The following AGO4 variants were observed in gnomAD, a reference collection of about 807,000 sequenced individuals.
AGO4 encodes the protein argonaute RISC component 4, also known as protein argonaute-4.
Under a neutral mutation model 104.7 loss-of-function variants are expected in AGO4, and 33 were observed. The ratio of observed to expected loss-of-function variants is 0.32; its 90% confidence interval spans 0.24 to 0.42. AGO4 has a LOEUF of 0.42. Among genes scored for constraint, AGO4 ranks in the 10% least tolerant of loss-of-function variants. AGO4 has a pLI of 1.00. For missense variants in AGO4, 711 were observed against 1,083.4 expected (o/e 0.66, Z 4.83); for synonymous variants, 331 against 364.7 (o/e 0.91, Z 1.05).
At chr1:35,847,265 G>C (rs1404703263) in intron 15 of AGO4, among the ~76,000 whole-genome samples, 2 of 148,246 alleles carry the variant, frequency 1.3e-5, no homozygotes, top group African/African-American at 5.0e-5. Flanking sequence ...ACTGAGTCTC[G>C]CTCTGTTACC....
intron 13 of AGO4, among the ~76,000 whole-genome samples, chr1:35,838,484 G>A (rs1038111854): frequency 1.1e-4 from 17 of 152,178 alleles, no homozygotes; most frequent in African/African-American, 4.1e-4. Context: ...ACCATGCCTG[G>A]TCAACAGTGG....
intron 1 of AGO4, among the ~76,000 whole-genome samples, chr1:35,814,782 T>G (rs888311432): frequency 5.3e-5 from 8 of 152,190 alleles, no homozygotes; most frequent in African/African-American, 1.4e-4. Flanking sequence ...TAAAATGATT[T>G]TTAATACTTT....
chr1:35,842,678 T>G (rs1311762053), intron 15 of AGO4, among the ~76,000 whole-genome samples: 3 of 152,102 alleles, frequency 2.0e-5, no homozygotes, highest in Admixed American at 2.0e-4. Flanking sequence ...GGTGCACGCC[T>G]GTAGTCCCAG....
chr1:35,814,369 A>C (rs1643620007), intron 1 of AGO4, among the ~76,000 whole-genome samples: 1 of 152,000 alleles, frequency 6.6e-6, no homozygotes, highest in African/African-American at 2.4e-5. Flanking sequence ...GGTTTGTTAC[A>C]TATGTATACA....
intron 2 of AGO4, among the ~76,000 whole-genome samples, chr1:35,820,108 A>G (rs775650808): frequency 6.6e-6 from 1 of 152,182 alleles, no homozygotes; most frequent in Non-Finnish European, 1.5e-5. Context: ...AGGCAAAGGA[A>G]GAAGATGTTT....
chr1:35,846,840 G>A (rs753116978), intron 15 of AGO4, among the ~76,000 whole-genome samples: 8 of 151,890 alleles, frequency 5.3e-5, no homozygotes, highest in Non-Finnish European at 8.8e-5. Flanking sequence ...TTGGTTCCAG[G>A]ACCTGCTGCA....
At chr1:35,842,233 A>T (rs1404412917) in intron 15 of AGO4, among the ~76,000 whole-genome samples, 1 of 152,126 alleles carries the variant, frequency 6.6e-6, no homozygotes, top group Non-Finnish European at 1.5e-5. Context: ...GTGAGTGGTC[A>T]GTGAATGATC....
chr1:35,812,430 A>C (rs1643540165), intron 1 of AGO4, among the ~76,000 whole-genome samples: 1 of 152,184 alleles, frequency 6.6e-6, no homozygotes, highest in South Asian at 2.1e-4. Context: ...AATACATATC[A>C]CAAGATTATG....
chr1:35,853,932 G>T lies in AGO4; in HGVS notation c.*327G>T. 5.2e-6 allele frequency: 1 copy of T among 193,878 alleles called. No homozygotes were observed. The highest frequency in any genetic ancestry group is 1.1e-5 in the Non-Finnish European group (1 of 93,476). The allele number at this position is 193,878 out of a possible 1,614,324, so 12.0% of individuals were successfully genotyped here. ...TATGGAATATTTTGCTAGCTGTGGT[G>T]TTCACCGCATCCCTCTAGTCTTAGA... is the stretch of plus-strand genomic sequence containing the variant. On this transcript the variant is annotated 3_prime_UTR_variant, in exon 18 of 18. Coordinates refer to ENST00000373210, the MANE Select transcript of AGO4 (RefSeq NM_017629.4).
At chr1:35,844,548 T>C (rs185552409) in intron 15 of AGO4, among the ~76,000 whole-genome samples, 2 of 152,096 alleles carry the variant, frequency 1.3e-5, no homozygotes, top group African/African-American at 4.8e-5. Flanking sequence ...AAAAACAAGA[T>C]CTAGAAGGCA....
At chr1:35,815,654 T>G (rs1045772989) in intron 1 of AGO4, among the ~76,000 whole-genome samples, 1 of 151,102 alleles carries the variant, frequency 6.6e-6, no homozygotes, top group African/African-American at 2.4e-5. Context: ...GAAATATTAC[T>G]CTATCTACAT....
rs201183539 is a variant in AGO4 at position 35,841,304 on chromosome 1, C to G, written c.1864C>G (p.Arg622Gly). ...CCCCAGCCGGTACTGTGCCACCGTT[C>G]GGGTGCAGACTTCCCGGCAGGAGAT... is the stretch of plus-strand genomic sequence containing the variant. ...GHPSRYCATV[R>G]VQTSRQEISQ... is the part of the protein sequence containing the mutation. Residue 622 changes from arginine to glycine, a missense_variant, in exon 14 of 18, where the codon CGG (arginine) becomes GGG (glycine). Coordinates refer to ENST00000373210, the MANE Select transcript of AGO4 (RefSeq NM_017629.4). This position sits in a 1 kb window ranked among gnomAD's most constrained non-coding sequence, Gnocchi z 4.7. 5 of 1,614,132 alleles carry G rather than the reference C, an allele frequency of 3.1e-6. No homozygotes were observed. The highest frequency in any genetic ancestry group is 4.2e-6 in the Non-Finnish European group (5 of 1,180,034).
Position 35,817,058 on chromosome 1 carries a change from G to A in AGO4, c.185+11G>A. On this transcript the variant is annotated intron_variant, in intron 2 of 17. Transcript: ENST00000373210. ...TCGTAGAGTCAACAGGTAAGGATTA[G>A]AAACAGTGGATTTCTGTATATTTAA... The A allele has an allele frequency of 6.3e-7, 1 of 1,585,484 alleles. No individual in the cohort carries two copies. The highest frequency in any genetic ancestry group is 8.6e-7 in the Non-Finnish European group (1 of 1,164,638).
Position 35,841,644 on chromosome 1 carries a change from G to A in AGO4, c.2069G>A (p.Arg690Gln), listed in dbSNP as rs1644445935. The A allele has an allele frequency of 2.5e-6, 4 of 1,613,468 alleles. No homozygotes were observed. Among genetic ancestry groups the A allele is most frequent in the Non-Finnish European group, 3.4e-6 (4 of 1,179,808 alleles). Residue 690 changes from arginine (R) to glutamine (Q), a missense_variant, in exon 15 of 18, where the codon CGA becomes CAA. By Grantham distance (43) the Arg-to-Gln change is conservative. This residue lies in a region of AGO4 where 401 missense variants were observed against 665.5 expected (regional missense o/e 0.60). Transcript: ENST00000373210. This position sits in a 1 kb window ranked among gnomAD's most constrained non-coding sequence, Gnocchi z 4.7. ...GCTTGGCCAGAACTAATAGCAATTCGAAAGGCATGTATTAGCTTGGAAGAA... is the reference window on the plus strand; with the variant it reads ...GCTTGGCCAGAACTAATAGCAATTCAAAAGGCATGTATTAGCTTGGAAGAA... Reference protein sequence around the residue: ...QVAWPELIAIRKACISLEEDY... With the variant: ...QVAWPELIAIQKACISLEEDY...
At chr1:35,821,567 T>C (rs548837734) in intron 2 of AGO4, among the ~76,000 whole-genome samples, 1 of 152,374 alleles carries the variant, frequency 6.6e-6, no homozygotes, top group South Asian at 2.1e-4. Flanking sequence ...CAGTGTGATC[T>C]GGCATATATG....
At chr1:35,816,630 C>T (rs927099819) in intron 1 of AGO4, among the ~76,000 whole-genome samples, 7 of 151,844 alleles carry the variant, frequency 4.6e-5, no homozygotes, top group Non-Finnish European at 8.8e-5. Context: ...GAAACCCTGT[C>T]TCTACTAAAA....
intron 2 of AGO4, 92 bp downstream of exon 2, chr1:35,817,139 G>A: frequency 7.7e-7 from 1 of 1,296,762 alleles, no homozygotes; most frequent in South Asian, 1.7e-5. Flanking sequence ...CAACATGTAG[G>A]CTTTGTTATT....
chr1:35,809,299 A>C (rs1326252074), intron 1 of AGO4, among the ~76,000 whole-genome samples: 1 of 152,226 alleles, frequency 6.6e-6, no homozygotes, highest in Admixed American at 6.5e-5. Context: ...TTCCACCTCA[A>C]AGCCCAACAG....
intron 7 of AGO4, among the ~76,000 whole-genome samples, chr1:35,828,497 A>G (rs1291956307): frequency 6.0e-5 from 9 of 149,082 alleles, no homozygotes; most frequent in Non-Finnish European, 1.3e-4. Context: ...CATTTCCCCA[A>G]TCTCATTTTC....
Sources: gnomAD v4.1 joint callset for allele counts (sites outside exome capture counted in the v4.1 genomes callset) on GRCh38, gnomAD v4.1.1 for gene constraint, gnomAD v4.1.1 regional missense constraint, Gnocchi (gnomAD v3.1) non-coding constraint, MANE v1.5 for transcripts, NCBI Gene and HGNC (gene_info 2026-07-23, HGNC 2026-07-21) for gene names.